The following PTPRU variants were observed in gnomAD, a reference collection of about 807,000 sequenced individuals.
The protein encoded by PTPRU is protein tyrosine phosphatase receptor type U.
Under a neutral mutation model 166.3 loss-of-function variants are expected in PTPRU, and 69 were observed. The observed-to-expected ratio is 0.41, with a 90% CI of 0.34 to 0.51. PTPRU has a LOEUF of 0.51. Among genes scored for constraint, PTPRU ranks in the 20% least tolerant of loss-of-function variants. PTPRU has a pLI of 0.09. For synonymous variants in PTPRU, 793 were observed against 814.0 expected, an observed-to-expected ratio of 0.97 and a Z score of 0.44; for missense variants, 1,657 against 2,013.7, an observed-to-expected ratio of 0.82 and a Z score of 3.39.
At position 29,252,070 on chromosome 1, in the gene PTPRU, C is replaced by T. The variant is rs566646849; in HGVS notation, c.74-3205C>T. On this transcript the variant is annotated intron_variant, in intron 1 of 29. Coordinates refer to ENST00000373779, the MANE Select transcript of PTPRU (RefSeq NM_133178.4). ...ACAGGCAATAGGGTATGATGCTGAC[C>T]AGGGATTTTCAAACAAAGAGCCAAA... 7.9e-5 allele frequency among the ~76,000 whole-genome samples: 12 copies of T among 152,234 alleles called. No individual in the cohort carries two copies. In the South Asian group the frequency reaches 2.5e-3, roughly 32 times the overall value.
At chr1:29,324,647 G>A (rs1688319900) in intron 28 of PTPRU, among the ~76,000 whole-genome samples, 1 of 152,172 alleles carries the variant, frequency 6.6e-6, no homozygotes, top group Non-Finnish European at 1.5e-5. Flanking sequence ...GTCTCTCCGG[G>A]TGTTTCTCTT....
At chr1:29,313,321 G>A (rs991507174) in intron 22 of PTPRU, among the ~76,000 whole-genome samples, 4 of 152,030 alleles carry the variant, frequency 2.6e-5, no homozygotes, top group Non-Finnish European at 5.9e-5. Context: ...GTCTCATTGC[G>A]GTTCCTCTAC....
At chr1:29,308,971 GT>G (rs1263224919) in intron 18 of PTPRU, among the ~76,000 whole-genome samples, 10 of 152,234 alleles carry the variant, frequency 6.6e-5, no homozygotes, top group Admixed American at 6.5e-4. Flanking sequence ...CGAGGCTGCA[GT>G]GGAGACAGTG....
chr1:29,311,981 G>A lies in PTPRU; in HGVS notation c.3072+222G>A, dbSNP rs1438932243. Among the ~76,000 whole-genome samples, 2 of 152,352 alleles carry A rather than the reference G, an allele frequency of 1.3e-5. No homozygotes were observed. The highest frequency in any genetic ancestry group is 1.9e-4 in the East Asian group (1 of 5,190). On this transcript the variant is annotated intron_variant, in intron 21 of 29. Transcript: ENST00000373779. The surrounding 1 kb of genome is among the most constrained non-coding windows in gnomAD (Gnocchi z 4.1). ...GGAGGAAGCTGAGACAATGAAGGGG[G>A]TGACAGTATCTGCCAGGTGCTGGCT...
At chr1:29,322,339 CA>C (rs1479653145) in intron 26 of PTPRU, among the ~76,000 whole-genome samples, 1 of 152,156 alleles carries the variant, frequency 6.6e-6, no homozygotes, top group Non-Finnish European at 1.5e-5. Flanking sequence ...CAGGAGGAAA[CA>C]GGTAGAAAAA....
chr1:29,254,636 C>T (rs114455527), intron 1 of PTPRU, among the ~76,000 whole-genome samples: 1,764 of 152,332 alleles, frequency 0.012, 20 homozygotes, highest in African/African-American at 0.028. Flanking sequence ...AGGCTCTGTA[C>T]TTACGCCATT....
At chr1:29,284,077 AG>A in intron 13 of PTPRU, 101 bp downstream of exon 13, 4 of 1,483,846 alleles carry the variant, frequency 2.7e-6, no homozygotes, top group Non-Finnish European at 3.8e-6. Context: ...GGAGTAGAGG[AG>A]GGTGGTTGGG....
rs1034346349 is a variant in PTPRU at position 29,257,725 on chromosome 1, C to T, written c.206-780C>T. On this transcript the variant is annotated intron_variant, in intron 2 of 29. Coordinates refer to ENST00000373779, the MANE Select transcript of PTPRU (RefSeq NM_133178.4). The surrounding 1 kb of genome is among the most constrained non-coding windows in gnomAD (Gnocchi z 4.6). Reference sequence around the variant, plus strand: ...ATTCAGCTTGCGTCCTGAGGCCTCACAGCCTGGTGGGAGACACACAGGCAC... The same window carrying T: ...ATTCAGCTTGCGTCCTGAGGCCTCATAGCCTGGTGGGAGACACACAGGCAC... Among the ~76,000 whole-genome samples the T allele has an allele frequency of 1.3e-5, 2 of 152,186 alleles. No homozygotes were observed. The highest frequency in any genetic ancestry group is 2.4e-5 in the African/African-American group (1 of 41,446).
intron 12 of PTPRU, among the ~76,000 whole-genome samples, chr1:29,283,199 C>G (rs575378662): frequency 6.7e-6 from 1 of 149,588 alleles, no homozygotes; most frequent in East Asian, 2.0e-4. Flanking sequence ...CATAGCCCTG[C>G]CTCCTTTTGC....
At chr1:29,269,066 G>T (rs1397529961) in intron 7 of PTPRU, among the ~76,000 whole-genome samples, 2 of 151,316 alleles carry the variant, frequency 1.3e-5, no homozygotes, top group East Asian at 1.9e-4. Flanking sequence ...TAGAGACAGG[G>T]TCTCACTCTG....
At chr1:29,247,664 C>T (rs1684360288) in intron 1 of PTPRU, among the ~76,000 whole-genome samples, 1 of 152,258 alleles carries the variant, frequency 6.6e-6, no homozygotes, top group Non-Finnish European at 1.5e-5. Flanking sequence ...CCCTTTTCCT[C>T]TGTCTGGCAT....
intron 22 of PTPRU, among the ~76,000 whole-genome samples, chr1:29,314,889 T>C (rs999363052): frequency 3.3e-5 from 5 of 152,030 alleles, no homozygotes; most frequent in African/African-American, 7.2e-5. Flanking sequence ...ACGAAGAGTG[T>C]TTTAATAAAA....
rs543166825 is a variant in PTPRU at position 29,260,037 on chromosome 1, C to T, written c.843C>T (p.Ile281=). Residue 281 remains isoleucine, a synonymous_variant, in exon 6 of 30, where the codon ATC becomes ATT. Transcript: ENST00000373779. This position sits in a 1 kb window ranked among gnomAD's most constrained non-coding sequence, Gnocchi z 8.3. ...GAGVSNFAEL[I]VKEPPTPIAP... Reference sequence around the variant, plus strand: ...GCGTCTCTAACTTCGCGGAGCTCATCGTCAAGGGTCAGCTGGTGGACGCCG... The same window carrying T: ...GCGTCTCTAACTTCGCGGAGCTCATTGTCAAGGGTCAGCTGGTGGACGCCG... The T allele has an allele frequency of 7.6e-6, 11 of 1,446,108 alleles. No individual in the cohort carries two copies. The South Asian group carries it at 1.2e-4, about 15-fold the overall frequency. 89.6% of individuals were successfully genotyped at this position (1,446,108 alleles called of 1,614,324 possible). A position where few individuals can be genotyped will look rare whatever the true frequency, so the allele number is the denominator to read the frequency against.
At chr1:29,285,884 A>T (rs1686322579) in intron 14 of PTPRU, among the ~76,000 whole-genome samples, 1 of 152,184 alleles carries the variant, frequency 6.6e-6, no homozygotes, top group Admixed American at 6.5e-5. Context: ...GCCTTAAATG[A>T]GGGATGGGGA....
At chr1:29,319,841 AG>A (rs1688072716) in intron 25 of PTPRU, among the ~76,000 whole-genome samples, 3 of 136,344 alleles carry the variant, frequency 2.2e-5, no homozygotes, top group Admixed American at 7.3e-5. Flanking sequence ...CGGGGAAGGG[AG>A]GGGGGACATG....
chr1:29,303,562 C>G (rs1382577798), intron 15 of PTPRU, among the ~76,000 whole-genome samples: 1 of 152,210 alleles, frequency 6.6e-6, no homozygotes, highest in Non-Finnish European at 1.5e-5. Flanking sequence ...CATGGTGAAG[C>G]CTCGCTGGAT....
chr1:29,281,511 C>T (rs1028559066), intron 11 of PTPRU, among the ~76,000 whole-genome samples: 2 of 152,116 alleles, frequency 1.3e-5, no homozygotes, highest in African/African-American at 2.4e-5. Context: ...GCTGCATGAC[C>T]CTGGGCATGT....
Position 29,271,715 on chromosome 1 carries a change from T to C in PTPRU, c.1145-3733T>C, listed in dbSNP as rs1685563085. Among the ~76,000 whole-genome samples the C allele has an allele frequency of 1.3e-5, 2 of 152,220 alleles. No homozygotes were observed. The highest frequency in any genetic ancestry group is 2.9e-5 in the Non-Finnish European group (2 of 68,040). On this transcript the variant is annotated intron_variant, in intron 7 of 29. Transcript: ENST00000373779. The surrounding 1 kb of genome is among the most constrained non-coding windows in gnomAD (Gnocchi z 4.4). ...CAGTCATCTAGAGGTGAGCAGTAGCTGCCCCTTTTGGATGGGACACTACTG... is the reference window on the plus strand; with the variant it reads ...CAGTCATCTAGAGGTGAGCAGTAGCCGCCCCTTTTGGATGGGACACTACTG...
At position 29,317,988 on chromosome 1, in the gene PTPRU, G is replaced by A; in HGVS notation, c.3687+67G>A. On this transcript the variant is annotated intron_variant, in intron 25 of 29. Transcript: ENST00000373779. This position sits in a 1 kb window ranked among gnomAD's most constrained non-coding sequence, Gnocchi z 5.6. ...CAGCAGCATCAGGGAAGGTCCAGGG[G>A]CCACGGGAACAAAGCTGAAGGCTCT... 1 of 1,567,544 alleles carries A rather than the reference G, an allele frequency of 6.4e-7. No individual in the cohort carries two copies. Among genetic ancestry groups the A allele is most frequent in the Non-Finnish European group, 8.7e-7 (1 of 1,151,060 alleles).
Sources: allele counts gnomAD v4.1 joint callset (sites outside exome capture counted in the v4.1 genomes callset), GRCh38; gene constraint gnomAD v4.1.1; non-coding constraint Gnocchi (gnomAD v3.1); transcripts MANE v1.5; gene names NCBI Gene and HGNC (gene_info 2026-07-23, HGNC 2026-07-21).